Variants in ASAP3 observed in about 807,000 individuals in gnomAD.
ASAP3 encodes the protein ArfGAP with SH3 domain, ankyrin repeat and PH domain 3.
ASAP3 carries 85 observed loss-of-function variants against 118.2 expected under a neutral mutation model. That is an observed-to-expected ratio of 0.72 (90% CI 0.60 to 0.86). The LOEUF is 0.86. ASAP3 is among the 40% of genes least tolerant of loss of function. The pLI is 0.00. For synonymous variants in ASAP3, 432 were observed against 477.4 expected (o/e 0.90, Z 1.24); for missense variants, 1,026 against 1,175.0 (o/e 0.87, Z 1.85).
chr1:23,433,463 CTG>C lies in ASAP3; in HGVS notation c.2087_2088del (p.Thr696ArgfsTer5). The C allele has an allele frequency of 6.2e-7, 1 of 1,614,222 alleles. No individual in the cohort carries two copies. Among genetic ancestry groups the C allele is most frequent in the Non-Finnish European group, 8.5e-7 (1 of 1,180,034 alleles). On this transcript the variant is annotated frameshift_variant, in exon 21 of 25. Coordinates refer to ENST00000336689, the MANE Select transcript of ASAP3 (RefSeq NM_017707.4). LOFTEE classifies it high-confidence loss of function. Reference sequence around the variant, plus strand: ...TCCTCCTCACTGTCAGAGCCAGGCTCTGTGGAAATTACCCAGGAGTAGTCCAC... The same window carrying C: ...TCCTCCTCACTGTCAGAGCCAGGCTCTGGAAATTACCCAGGAGTAGTCCAC... ...LHVDYSWVIS[T>X]EPGSDSEEDE...
chr1:23,439,020 TG>T (rs1640773788), intron 11 of ASAP3, 140 bp downstream of exon 11: 1 of 1,159,950 alleles, frequency 8.6e-7, no homozygotes, highest in Admixed American at 2.0e-5. Context: ...AGGTCCCATC[TG>T]TCCTCCCAAA....
chr1:23,451,334 G>A, intron 5 of ASAP3, 145 bp downstream of exon 5: 1 of 865,178 alleles, frequency 1.2e-6, no homozygotes, highest in Non-Finnish European at 1.9e-6. Context: ...AGTCAGGTCT[G>A]GGTATAAACA....
At chr1:23,465,059 A>G (rs879648893) in intron 1 of ASAP3, among the ~76,000 whole-genome samples, 1 of 152,250 alleles carries the variant, frequency 6.6e-6, no homozygotes, top group Non-Finnish European at 1.5e-5. Flanking sequence ...AGATGATAAT[A>G]TTGCGTACCA....
At chr1:23,445,901 G>A (rs377576749) in intron 5 of ASAP3, among the ~76,000 whole-genome samples, 1 of 151,928 alleles carries the variant, frequency 6.6e-6, no homozygotes, top group Admixed American at 6.6e-5. Flanking sequence ...AGGATCACTT[G>A]AGCCCAGGAG....
chr1:23,442,496 C>T lies in ASAP3; in HGVS notation c.585+5G>A, dbSNP rs1640908548. On this transcript the variant is annotated splice_donor_5th_base_variant and intron_variant, in intron 6 of 24. Transcript: ENST00000336689. ...CCCCCCTCCCTCATCCAGAGCACCC[C>T]TTACCTCACACATGTGCAGCTGGAA... 1.2e-6 allele frequency: 2 copies of T among 1,613,244 alleles called. No individual in the cohort carries two copies. Among genetic ancestry groups the T allele is most frequent in the South Asian group, 1.1e-5 (1 of 90,968 alleles).
In ASAP3 at chr1:23,428,749, C is replaced by T. The variant is rs985066809; in HGVS notation, c.*1107G>A. 5.2e-5 allele frequency: 8 copies of T among 153,570 alleles called. No individual in the cohort carries two copies. The highest frequency in any genetic ancestry group is 3.9e-4 in the Admixed American group (6 of 15,316). 9.5% of individuals were successfully genotyped at this position (153,570 alleles called of 1,614,324 possible). ...GTTGGCCATTGGTGCTCTCTAGTCT[C>T]CCCTGCTTGGCTTGGCCCATTCCTG... On this transcript the variant is annotated 3_prime_UTR_variant, in exon 25 of 25. Transcript: ENST00000336689.
At chr1:23,446,441 T>G (rs1310154057) in intron 5 of ASAP3, among the ~76,000 whole-genome samples, 6 of 17,932 alleles carry the variant, frequency 3.3e-4, no homozygotes, top group African/African-American at 4.8e-4. Context: ...TTTTTTGTCT[T>G]TTTTTTTTTT....
At chr1:23,473,446 A>G (rs1642022259) in intron 1 of ASAP3, among the ~76,000 whole-genome samples, 1 of 152,214 alleles carries the variant, frequency 6.6e-6, no homozygotes, top group African/African-American at 2.4e-5. Context: ...CTAGAGTCAC[A>G]GAAGCCACTC....
chr1:23,479,769 G>A (rs1304125164), intron 1 of ASAP3: 1 of 152,156 alleles, frequency 6.6e-6, no homozygotes, highest in African/African-American at 2.4e-5. Flanking sequence ...TTTCCATGAG[G>A]AGATACATTG....
rs768510202 is a variant in ASAP3 at position 23,434,323 on chromosome 1, A to G, written c.1882T>C (p.Tyr628His). ...KAADGNTALH[Y>H]AALYNQPDCL... The stretch of plus-strand genomic sequence containing the variant: ...TCGGGCTGGTTGTAGAGTGCTGCGT[A>G]GTGCAGAGCCGTGTTCCCGTCAGCA... Residue 628 changes from tyrosine to histidine, a missense_variant, in exon 19 of 25, where the codon TAC (tyrosine) becomes CAC (histidine). Coordinates refer to ENST00000336689, the MANE Select transcript of ASAP3 (RefSeq NM_017707.4). 1.9e-6 allele frequency: 3 copies of G among 1,614,222 alleles called. No homozygotes were observed. Among genetic ancestry groups the G allele is most frequent in the South Asian group, 1.1e-5 (1 of 91,086 alleles).
In ASAP3 at chr1:23,438,696, A is replaced by AC. The variant is rs768912521; in HGVS notation, c.1102+50_1102+51insG. The stretch of plus-strand genomic sequence containing the variant: ...CCCCCCGGGAGCTGACAGGTGTCTT[A>AC]GAGAAGCCCTGAGCAGCTGTGGGTG... On this transcript the variant is annotated intron_variant, in intron 12 of 24. Coordinates refer to ENST00000336689, the MANE Select transcript of ASAP3 (RefSeq NM_017707.4). This position sits in a 1 kb window ranked among gnomAD's most constrained non-coding sequence, Gnocchi z 4.9. The AC allele has an allele frequency of 5.8e-6, 9 of 1,565,066 alleles. No homozygotes were observed. In the African/African-American group the frequency reaches 1.2e-4, roughly 21 times the overall value.
At position 23,447,677 on chromosome 1, in the gene ASAP3, T is replaced by G. The variant is rs187765597; in HGVS notation, c.473+3802A>C. ...AGTGATGGCAATGATGACAGAGTAG[T>G]AAATACTGGTGATCCCTTTTAGATA... On this transcript the variant is annotated intron_variant, in intron 5 of 24. Coordinates refer to ENST00000336689, the MANE Select transcript of ASAP3 (RefSeq NM_017707.4). Among the ~76,000 whole-genome samples, 72 of 152,330 alleles carry G rather than the reference T, an allele frequency of 4.7e-4. 1 individual carries two copies. In the East Asian group the frequency reaches 0.01, roughly 22 times the overall value.
Position 23,484,159 on chromosome 1 carries a change from G to A in ASAP3, c.-26C>T. 2 of 1,255,366 alleles carry A rather than the reference G, an allele frequency of 1.6e-6. No individual in the cohort carries two copies. Among genetic ancestry groups the A allele is most frequent in the Non-Finnish European group, 2.0e-6 (2 of 1,001,296 alleles). The allele number at this position is 1,255,366 out of a possible 1,614,324, so 77.8% of individuals were successfully genotyped here. On this transcript the variant is annotated 5_prime_UTR_variant, in exon 1 of 25. Transcript: ENST00000336689. ...GGCGGGCGCGAGCGTGGAGCTGCCG[G>A]AGCGGGGCGCGGGGGGCACTGAGCT...
chr1:23,431,230 G>A, intron 23 of ASAP3, 105 bp from the exon 24 acceptor site: 2 of 1,227,974 alleles, frequency 1.6e-6, no homozygotes, highest in South Asian at 2.6e-5. Context: ...TAGGATGGGT[G>A]GGTAGAGTCC....
rs538917305 is a variant in ASAP3 at position 23,440,804 on chromosome 1, C to T, written c.944+298G>A. Among the ~76,000 whole-genome samples, 127 of 146,422 alleles carry T rather than the reference C, an allele frequency of 8.7e-4. 2 individuals carry two copies. In the South Asian group the frequency reaches 0.025, roughly 28 times the overall value. ...CCGGAAGGCGGAGCTTACAGTGAGC[C>T]GAGATCATGGCACTGCACTCCAGCC... On this transcript the variant is annotated intron_variant, in intron 10 of 24. Transcript: ENST00000336689.
intron 10 of ASAP3, among the ~76,000 whole-genome samples, chr1:23,439,981 A>AT (rs1357032104): frequency 1.3e-5 from 2 of 151,768 alleles, no homozygotes; most frequent in South Asian, 2.1e-4. Flanking sequence ...TACCCAGCTA[A>AT]TTTTTTGTAT....
intron 5 of ASAP3, among the ~76,000 whole-genome samples, chr1:23,444,929 C>G (rs1257649014): frequency 6.6e-6 from 1 of 150,810 alleles, no homozygotes; most frequent in Non-Finnish European, 1.5e-5. Context: ...CTGTGACAAC[C>G]AGAAATGTCT....
intron 1 of ASAP3, among the ~76,000 whole-genome samples, chr1:23,472,100 A>G (rs1436385822): frequency 6.6e-6 from 1 of 152,196 alleles, no homozygotes; most frequent in African/African-American, 2.4e-5. Context: ...GAGAGTAACT[A>G]CTAATCAATA....
intron 24 of ASAP3, 47 bp from the exon 25 acceptor site, chr1:23,429,977 T>G: frequency 6.7e-7 from 1 of 1,492,752 alleles, no homozygotes; most frequent in Non-Finnish European, 9.3e-7. Context: ...ACCTGTAACA[T>G]ACCAGGTGTT....
Sources: allele counts gnomAD v4.1 joint callset (sites outside exome capture counted in the v4.1 genomes callset), GRCh38; gene constraint gnomAD v4.1.1; non-coding constraint Gnocchi (gnomAD v3.1); transcripts MANE v1.5; gene names NCBI Gene and HGNC (gene_info 2026-07-23, HGNC 2026-07-21).